The following PFKFB4 variants were observed in gnomAD, a reference collection of about 807,000 sequenced individuals.
PFKFB4 encodes the protein 6-phosphofructo-2-kinase/fructose-2,6-biphosphatase 4, also known as 6-phosphofructo-2-kinase/fructose-2,6-bisphosphatase 4.
A neutral mutation model predicts 62.8 loss-of-function variants in PFKFB4; 42 were observed. That is an observed-to-expected ratio of 0.67 (90% CI 0.52 to 0.86). PFKFB4 has a LOEUF of 0.86. PFKFB4 is among the 40% of genes least tolerant of loss of function. The pLI is 0.00. For missense variants in PFKFB4, 475 were observed against 627.2 expected, an observed-to-expected ratio of 0.76 and a Z score of 2.59; for synonymous variants, 204 against 240.7, an observed-to-expected ratio of 0.85 and a Z score of 1.41.
At chr3:48,558,402 G>A (rs895260082), upstream of PFKFB4, among the ~76,000 whole-genome samples, 4 of 152,228 alleles carry the variant, frequency 2.6e-5, no homozygotes, top group African/African-American at 4.8e-5. Flanking sequence ...TCTCTGCCCA[G>A]TGTGTACCCA....
intron 3 of PFKFB4, among the ~76,000 whole-genome samples, chr3:48,545,952 A>G (rs1560173458): frequency 6.6e-6 from 1 of 152,186 alleles, no homozygotes; most frequent in Non-Finnish European, 1.5e-5. Context: ...TGACACCACC[A>G]TGCAGGAGAG....
At chr3:48,556,856 C>T (rs1457665886), upstream of PFKFB4, 3 of 1,499,782 alleles carry the variant, frequency 2.0e-6, no homozygotes, top group Non-Finnish European at 2.7e-6. This position sits in a 1 kb window ranked among gnomAD's most constrained non-coding sequence, Gnocchi z 5.7. Flanking sequence ...GGTCCCGCCC[C>T]TTGGGCCCCG....
At chr3:48,542,404 G>T (rs768164310) in intron 4 of PFKFB4, among the ~76,000 whole-genome samples, 7 of 151,982 alleles carry the variant, frequency 4.6e-5, no homozygotes, top group Non-Finnish European at 8.8e-5. Flanking sequence ...AATCAAGCTA[G>T]CATGTAGCCA....
Position 48,518,151 on chromosome 3 carries a change from A to G in PFKFB4, c.*1596T>C, listed in dbSNP as rs1325654506. On this transcript the variant is annotated 3_prime_UTR_variant, in exon 14 of 14. Coordinates refer to ENST00000232375, the MANE Select transcript of PFKFB4 (RefSeq NM_004567.4). ...GCTGCAGTCCTAATGTCCCAAAGGC[A>G]TGGTCCTTGGGCTCTGGGTCTAAAG... The G allele has an allele frequency of 1.3e-5, 2 of 152,330 alleles. No individual in the cohort carries two copies. The highest frequency in any genetic ancestry group is 4.8e-5 in the African/African-American group (2 of 41,474). The allele number at this position is 152,330 out of a possible 1,614,324, so 9.4% of individuals were successfully genotyped here. A position where few individuals can be genotyped will look rare whatever the true frequency, so the allele number is the denominator to read the frequency against.
In PFKFB4 at chr3:48,538,546, A is replaced by G. The variant is rs1264053599; in HGVS notation, c.584T>C (p.Ile195Thr). ...CTCGTAGGAGTTCTCATAGCACTCAATGCGCCTCATGAAGTCCTCCGTAGC... is the reference window on the plus strand; with the variant it reads ...CTCGTAGGAGTTCTCATAGCACTCAGTGCGCCTCATGAAGTCCTCCGTAGC... The part of the protein sequence containing the change: ...DEATEDFMRR[I>T]ECYENSYESL... Residue 195 changes from isoleucine to threonine, a missense_variant, in exon 7 of 14, where the codon ATT becomes ACT. Transcript: ENST00000232375. 6.2e-7 allele frequency: 1 copy of G among 1,614,192 alleles called. No individual in the cohort carries two copies. The highest frequency in any genetic ancestry group is 2.2e-5 in the East Asian group (1 of 44,882).
intron 10 of PFKFB4, among the ~76,000 whole-genome samples, chr3:48,524,283 C>T (rs958657331): frequency 6.6e-6 from 1 of 152,224 alleles, no homozygotes; most frequent in Admixed American, 6.5e-5. Flanking sequence ...GAACTATCCT[C>T]AGTCTACCTG....
At chr3:48,551,519 CTTTTTTTTTTTT>C (rs71074260) in intron 1 of PFKFB4, among the ~76,000 whole-genome samples, 10 of 29,118 alleles carry the variant, frequency 3.4e-4, no homozygotes, top group East Asian at 2.5e-3. Flanking sequence ...CTCCAGCCTT[CTTTTTTTTTTTT>C]TTTTTTTTTT....
chr3:48,543,558 G>C (rs2042861785), intron 4 of PFKFB4, 22 bp downstream of exon 4: 1 of 1,596,162 alleles, frequency 6.3e-7, no homozygotes, highest in Admixed American at 1.7e-5. Context: ...ACTCCCAGCT[G>C]TCACCAGGGT....
In PFKFB4 at chr3:48,521,413, A is replaced by G. The variant is rs557059672; in HGVS notation, c.1350+573T>C. Among the ~76,000 whole-genome samples the G allele has an allele frequency of 6.6e-6, 1 of 152,322 alleles. No individual in the cohort carries two copies. Among genetic ancestry groups the G allele is most frequent in the South Asian group, 2.1e-4 (1 of 4,820 alleles). ...ACCTTCCACAAGGCACTTGGGGAGCACAGGTGGTGACTGCTTTTCTGGACC... is the reference window on the plus strand; with the variant it reads ...ACCTTCCACAAGGCACTTGGGGAGCGCAGGTGGTGACTGCTTTTCTGGACC... On this transcript the variant is annotated intron_variant, in intron 13 of 13. Coordinates refer to ENST00000232375, the MANE Select transcript of PFKFB4 (RefSeq NM_004567.4). The surrounding 1 kb of genome is among the most constrained non-coding windows in gnomAD (Gnocchi z 5.3).
intron 10 of PFKFB4, 41 bp downstream of exon 10, chr3:48,525,524 G>A (rs750555817): frequency 1.6e-5 from 17 of 1,072,656 alleles, no homozygotes; most frequent in Admixed American, 6.5e-5. Context: ...ACTCCCAGGC[G>A]GGCAGTAGGT....
intron 8 of PFKFB4, 66 bp from the exon 9 acceptor site, chr3:48,535,724 C>T (rs778121388): frequency 7.1e-5 from 114 of 1,595,998 alleles, no homozygotes; most frequent in Non-Finnish European, 9.3e-5. Flanking sequence ...ATCCCATAGC[C>T]GCAGGGTCCA....
At chr3:48,559,898 C>CA (rs2043405687), upstream of PFKFB4, 13 of 191,640 alleles carry the variant, frequency 6.8e-5, no homozygotes, top group African/African-American at 1.1e-4. Context: ...AACCATCCCA[C>CA]CACACACACA....
chr3:48,519,898 T>C, intron 13 of PFKFB4, 92 bp from the exon 14 acceptor site: 2 of 1,006,476 alleles, frequency 2.0e-6, no homozygotes, highest in Non-Finnish European at 3.1e-6. Flanking sequence ...TTCATCAGGC[T>C]TCACATTCTC....
chr3:48,543,991 G>GCCCCC (rs532957386), intron 3 of PFKFB4, among the ~76,000 whole-genome samples: 1 of 145,266 alleles, frequency 6.9e-6, no homozygotes, highest in African/African-American at 2.6e-5. Flanking sequence ...ATCAAAATAA[G>GCCCCC]CCCCCCCCCG....
At chr3:48,522,917 C>G (rs1346546550) in intron 12 of PFKFB4, among the ~76,000 whole-genome samples, 1 of 151,900 alleles carries the variant, frequency 6.6e-6, no homozygotes, top group African/African-American at 2.4e-5. Context: ...CCCGCCACTA[C>G]GCCCAGCTAA....
chr3:48,546,919 C>G (rs1265644153), intron 3 of PFKFB4, among the ~76,000 whole-genome samples: 3 of 152,172 alleles, frequency 2.0e-5, no homozygotes, highest in African/African-American at 7.2e-5. Flanking sequence ...GAATTAAGTG[C>G]GTCCTGTGTG....
intron 4 of PFKFB4, among the ~76,000 whole-genome samples, chr3:48,542,420 A>T (rs747736117): frequency 1.3e-5 from 2 of 152,166 alleles, no homozygotes; most frequent in Non-Finnish European, 2.9e-5. Context: ...AGCCACCAGA[A>T]GTTCTAGAAA....
At chr3:48,549,789 G>T in intron 3 of PFKFB4, 75 bp downstream of exon 3, 1 of 909,376 alleles carries the variant, frequency 1.1e-6, no homozygotes, top group Non-Finnish European at 1.8e-6. Flanking sequence ...TCAGTAAATG[G>T]TCAGTAATGT....
Position 48,522,054 on chromosome 3 carries a change from C to A in PFKFB4, c.1286-4G>T. On this transcript the variant is annotated splice_region_variant and splice_polypyrimidine_tract_variant and intron_variant, in intron 12 of 13. Coordinates refer to ENST00000232375, the MANE Select transcript of PFKFB4 (RefSeq NM_004567.4). ...AATATGGACTCCACTTTACAACCTG[C>A]CAAAGGGAAGATGCAAATCCATCCC... 1 of 1,613,924 alleles carries A rather than the reference C, an allele frequency of 6.2e-7. No individual in the cohort carries two copies. The highest frequency in any genetic ancestry group is 8.5e-7 in the Non-Finnish European group (1 of 1,179,822).
Sources: gnomAD v4.1 joint callset for allele counts (sites outside exome capture counted in the v4.1 genomes callset) on GRCh38, gnomAD v4.1.1 for gene constraint, Gnocchi (gnomAD v3.1) non-coding constraint, MANE v1.5 for transcripts, NCBI Gene and HGNC (gene_info 2026-07-23, HGNC 2026-07-21) for gene names.